Variants in PRPF40B observed in about 807,000 individuals in gnomAD.
PRPF40B encodes the protein pre-mRNA processing factor 40B, also known as pre-mRNA-processing factor 40 homolog B.
Under a neutral mutation model 124.5 loss-of-function variants are expected in PRPF40B, and 56 were observed. The observed-to-expected ratio is 0.45, with a 90% CI of 0.36 to 0.56. The LOEUF (loss-of-function observed/expected upper bound fraction) is 0.56, where lower values mean the gene tolerates loss of function less well. Ranked by LOEUF, PRPF40B falls within the 20% of genes least tolerant of loss-of-function variation. The probability of loss-of-function intolerance (pLI) is 0.00; values close to 1 mark genes in which losing one functional copy is unlikely to be tolerated. For synonymous variants in PRPF40B, 443 were observed against 426.4 expected (o/e 1.04, Z -0.48); for missense variants, 1,053 against 1,169.5 (o/e 0.90, Z 1.45).
At position 49,631,348 on chromosome 12, in the gene PRPF40B, C is replaced by A. The variant is rs1171126086; in HGVS notation, c.85-53C>A. On this transcript the variant is annotated intron_variant, in intron 2 of 25. Coordinates refer to ENST00000548825, the MANE Select transcript of PRPF40B (RefSeq NM_001031698.3). The surrounding 1 kb of genome is among the most constrained non-coding windows in gnomAD (Gnocchi z 4.3). The stretch of plus-strand genomic sequence containing the variant: ...ATTTCCTGACAGGTCCTCTCTACCT[C>A]TGACAAGGCGATGTCTTCCCTGCTC... 1.4e-5 allele frequency: 19 copies of A among 1,376,342 alleles called. No homozygotes were observed. The highest frequency in any genetic ancestry group is 1.5e-5 in the Non-Finnish European group (15 of 1,029,784). The allele number at this position is 1,376,342 out of a possible 1,614,324, so 85.3% of individuals were successfully genotyped here. A position where few individuals can be genotyped will look rare whatever the true frequency, so the allele number is the denominator to read the frequency against.
At chr12:49,643,781 C>G (rs753620551) in intron 24 of PRPF40B, 29 bp downstream of exon 24, 5 of 1,613,648 alleles carry the variant, frequency 3.1e-6, no homozygotes, top group Non-Finnish European at 4.2e-6. Flanking sequence ...ACCTAAGCCC[C>G]TGCTATTTTG....
Position 49,632,996 on chromosome 12 carries a change from G to GGGGGCCCCC in PRPF40B, c.349-18_349-17insGGGGCCCCC. 1.7e-6 allele frequency: 2 copies of GGGGGCCCCC among 1,147,394 alleles called. No homozygotes were observed. The highest frequency in any genetic ancestry group is 2.4e-6 in the Non-Finnish European group (2 of 823,008). 71.1% of individuals were successfully genotyped at this position (1,147,394 alleles called of 1,614,324 possible). ...AAAGGGGCCTTGACCACCATTCTGT[G>GGGGGCCCCC]CCCCCCCCCCCACCCAGAGGGCCCT... On this transcript the variant is annotated splice_polypyrimidine_tract_variant and intron_variant, in intron 6 of 25. Coordinates refer to ENST00000548825, the MANE Select transcript of PRPF40B (RefSeq NM_001031698.3).
Position 49,631,862 on chromosome 12 carries a change from ACCAGGAATGGTACCTCCGATGATG to A in PRPF40B, c.241_264del (p.Val81_Met88del). 6.2e-7 allele frequency: 1 copy of A among 1,614,006 alleles called. No individual in the cohort carries two copies. The highest frequency in any genetic ancestry group is 1.3e-5 in the African/African-American group (1 of 75,020). On this transcript the variant is annotated inframe_deletion, in exon 4 of 26. Coordinates refer to ENST00000548825, the MANE Select transcript of PRPF40B (RefSeq NM_001031698.3). The surrounding 1 kb of genome is among the most constrained non-coding windows in gnomAD (Gnocchi z 4.3). ...TTCTGTCTTCTTTGTATCCATAGATACCAGGAATGGTACCTCCGATGATGCCAGGAATGCTGATGCCAGCGGTGC... is the reference window on the plus strand; with the variant it reads ...TTCTGTCTTCTTTGTATCCATAGATACCAGGAATGCTGATGCCAGCGGTGC...
At chr12:49,634,492 G>A (rs772408832) in intron 11 of PRPF40B, 37 bp downstream of exon 11, 6 of 1,614,056 alleles carry the variant, frequency 3.7e-6, no homozygotes, top group Middle Eastern at 3.3e-4. Context: ...GTTTGGAGGG[G>A]GCTGGAGCGG....
rs1178915777 is a variant in PRPF40B, at chr12:49,633,708, T to C, written c.605+47T>C. 3.1e-6 allele frequency: 5 copies of C among 1,613,258 alleles called. No individual in the cohort carries two copies. The African/African-American group carries it at 6.7e-5, about 22-fold the overall frequency. On this transcript the variant is annotated intron_variant, in intron 9 of 25. Transcript: ENST00000548825. ...CCATTTATAGTTGGGGCACCTGGAG[T>C]GTGGAAGTAGACTCTGTCGCCATGA...
Position 49,631,474 on chromosome 12 carries a change from T to TC in PRPF40B, c.165dup (p.Met56HisfsTer67), listed in dbSNP as rs780675733. 5.3e-6 allele frequency: 8 copies of TC among 1,504,366 alleles called. No individual in the cohort carries two copies. The highest frequency in any genetic ancestry group is 2.3e-5 in the Admixed American group (1 of 43,176). 93.2% of individuals were successfully genotyped at this position (1,504,366 alleles called of 1,614,324 possible). On this transcript the variant is annotated frameshift_variant, in exon 3 of 26. Coordinates refer to ENST00000548825, the MANE Select transcript of PRPF40B (RefSeq NM_001031698.3). LOFTEE classifies it high-confidence loss of function. The surrounding 1 kb of genome is among the most constrained non-coding windows in gnomAD (Gnocchi z 4.3). ...CCCATGAGTCAGAGACCACCAGCTA[T>TC]CCCCCCCATGCCACCTGGCATCCTG...
At chr12:49,627,308 A>C (rs1193619558) in intron 1 of PRPF40B, among the ~76,000 whole-genome samples, 1 of 152,210 alleles carries the variant, frequency 6.6e-6, no homozygotes, top group Non-Finnish European at 1.5e-5. Flanking sequence ...CAAATAGAAA[A>C]ATAATATAAT....
intron 18 of PRPF40B, 196 bp downstream of exon 18, chr12:49,638,020 G>T: frequency 1.7e-6 from 1 of 577,660 alleles, no homozygotes; most frequent in African/African-American, 1.9e-5. Flanking sequence ...GGTCTAATAG[G>T]AAGATATACA....
At chr12:49,622,943 C>T (rs1009892684), upstream of PRPF40B, among the ~76,000 whole-genome samples, 12 of 152,200 alleles carry the variant, frequency 7.9e-5, no homozygotes, top group African/African-American at 2.9e-4. Flanking sequence ...AAGAGTGGGC[C>T]CTGCTCTCAT....
chr12:49,626,226 C>T (rs767317239), intron 1 of PRPF40B, among the ~76,000 whole-genome samples: 2 of 152,132 alleles, frequency 1.3e-5, no homozygotes, highest in Admixed American at 6.5e-5. Flanking sequence ...TTCCAGTATG[C>T]AAAAATCTAA....
chr12:49,632,137 G>A, intron 4 of PRPF40B: 1 of 623,020 alleles, frequency 1.6e-6, no homozygotes, highest in African/African-American at 1.8e-5. Context: ...ACATTCTCTT[G>A]TTACTCACGT....
intron 4 of PRPF40B, 137 bp from the exon 5 acceptor site, chr12:49,632,459 A>G: frequency 1.1e-6 from 1 of 893,378 alleles, no homozygotes; most frequent in Non-Finnish European, 1.7e-6. Context: ...GGGTGGGGGA[A>G]GCCTGTTAGG....
intron 18 of PRPF40B, chr12:49,639,088 T>C (rs1306878850): frequency 6.6e-6 from 1 of 152,224 alleles, no homozygotes; most frequent in African/African-American, 2.4e-5. Flanking sequence ...GAGCCCTGCA[T>C]GTAAAGTGCC....
At chr12:49,626,550 A>T (rs1287837088) in intron 1 of PRPF40B, among the ~76,000 whole-genome samples, 1 of 152,228 alleles carries the variant, frequency 6.6e-6, no homozygotes, top group Non-Finnish European at 1.5e-5. Context: ...AGACTGTAGA[A>T]TAAAAGAAAT....
intron 1 of PRPF40B, among the ~76,000 whole-genome samples, chr12:49,629,845 G>A (rs1302715535): frequency 1.3e-5 from 2 of 152,218 alleles, no homozygotes; most frequent in Admixed American, 1.3e-4. Context: ...AACCTAAGCT[G>A]TTCAAAGCCT....
chr12:49,624,426 G>A (rs1192789934), intron 1 of PRPF40B, among the ~76,000 whole-genome samples: 1 of 152,208 alleles, frequency 6.6e-6, no homozygotes, highest in Non-Finnish European at 1.5e-5. Flanking sequence ...GGGCTGGCTA[G>A]CCTTATCCTG....
intron 22 of PRPF40B, 78 bp from the exon 23 acceptor site, chr12:49,643,145 C>T: frequency 6.3e-7 from 1 of 1,592,992 alleles, no homozygotes; most frequent in Non-Finnish European, 8.6e-7. Flanking sequence ...GGGTCCTCCT[C>T]CTCTCTCGAA....
At position 49,635,939 on chromosome 12, in the gene PRPF40B, G is replaced by T. The variant is rs1941749501; in HGVS notation, c.1372G>T (p.Ala458Ser). ...CAACTTCCAAACCACGTGGTCCCAGGCCCAGCAGTACCTCATGGATAACCC... is the reference window on the plus strand; with the variant it reads ...CAACTTCCAAACCACGTGGTCCCAGTCCCAGCAGTACCTCATGGATAACCC... Reference protein sequence around the residue: ...SVNFQTTWSQAQQYLMDNPSF... With the variant: ...SVNFQTTWSQSQQYLMDNPSF... Residue 458 changes from alanine (A) to serine (S), a missense_variant, in exon 15 of 26, where the codon GCC (alanine) becomes TCC (serine). Around this residue, in one of 2 missense-constraint regions of PRPF40B, gnomAD observed 895 missense variants for 1,052.2 expected, o/e 0.85. Transcript: ENST00000548825. The surrounding 1 kb of genome is among the most constrained non-coding windows in gnomAD (Gnocchi z 4.1). 1 of 1,613,922 alleles carries T rather than the reference G, an allele frequency of 6.2e-7. No individual in the cohort carries two copies. The highest frequency in any genetic ancestry group is 1.3e-5 in the African/African-American group (1 of 74,870).
chr12:49,623,281 G>C (rs1204907105), upstream of PRPF40B: 1 of 165,976 alleles, frequency 6.0e-6, no homozygotes, highest in Non-Finnish European at 1.3e-5. Flanking sequence ...CAGGCAGCGG[G>C]GAGAGGCAGA....
Sources: allele counts gnomAD v4.1 joint callset (sites outside exome capture counted in the v4.1 genomes callset), GRCh38; gene constraint gnomAD v4.1.1; regional missense constraint gnomAD v4.1.1; non-coding constraint Gnocchi (gnomAD v3.1); transcripts MANE v1.5; gene names NCBI Gene and HGNC (gene_info 2026-07-23, HGNC 2026-07-21).